The following TRIM52 variants were observed in gnomAD, a reference collection of about 807,000 sequenced individuals.
TRIM52 encodes tripartite motif containing 52, also known as E3 ubiquitin-protein ligase TRIM52.
In TRIM52, 24 loss-of-function variants were observed where a neutral mutation model predicts 27.0. The ratio of observed to expected loss-of-function variants is 0.89; its 90% CI spans 0.64 to 1.25. The LOEUF (loss-of-function observed/expected upper bound fraction) is 1.25, where lower values mean the gene tolerates loss of function less well. TRIM52 is among the 50% of genes most tolerant of loss of function. The pLI, the probability that TRIM52 is intolerant of heterozygous loss-of-function variation, is 0.00. For synonymous variants in TRIM52, 125 were observed against 126.5 expected (o/e 0.99, Z 0.08); for missense variants, 351 against 354.7 (o/e 0.99, Z 0.08).
intron 1 of TRIM52, 102 bp from the exon 2 acceptor site, chr5:181,256,961 C>T (rs1759806525): frequency 1.0e-6 from 1 of 986,164 alleles, no homozygotes; most frequent in African/African-American, 1.7e-5. Flanking sequence ...ACAAGGAGTA[C>T]TGATGATGGA....
Position 181,260,465 on chromosome 5 carries a change from C to T in TRIM52, c.349G>A (p.Val117Ile). The T allele has an allele frequency of 6.2e-7, 1 of 1,613,928 alleles. No homozygotes were observed. The highest frequency in any genetic ancestry group is 8.5e-7 in the Non-Finnish European group (1 of 1,179,996). Residue 117 changes from valine to isoleucine, a missense_variant, in exon 1 of 2, where the codon GTA (valine) becomes ATA (isoleucine). By Grantham distance (29) the Val-to-Ile change is conservative. Coordinates refer to ENST00000688015, the MANE Select transcript of TRIM52 (RefSeq NM_001346048.2). The surrounding 1 kb of genome is among the most constrained non-coding windows in gnomAD (Gnocchi z 4.4). ...GDSGITNWDN[V>I]DYMWDEEEEE... ...TCCTCCTCGTCCCACATATAGTCTA[C>T]GTTGTCCCAATTAGTTATACCACTG...
intron 1 of TRIM52, chr5:181,259,768 A>G (rs1300210293): frequency 3.6e-6 from 3 of 825,144 alleles, no homozygotes; most frequent in East Asian, 5.6e-5. Flanking sequence ...AGTGACCGTC[A>G]TATTATCTGT....
In TRIM52 at chr5:181,256,833, C is replaced by A. The variant is rs1227696536; in HGVS notation, c.840G>T (p.Glu280Asp). Residue 280 changes from glutamate to aspartate, a missense_variant, in exon 2 of 2, where the codon GAG becomes GAT. Transcript: ENST00000688015. ...GTCACTGCCCAACACTTTCAGATAA[C>A]TCAACTGAAGAAGTTGACCCTATCT... ...YQKIGSTSSV[E>D]LSESVGQ is the part of the protein sequence containing the mutation. 2.0e-6 allele frequency: 2 copies of A among 985,298 alleles called. No homozygotes were observed. The highest frequency in any genetic ancestry group is 3.5e-5 in the African/African-American group (2 of 57,224). The allele number at this position is 985,298 out of a possible 1,614,324, so 61.0% of individuals were successfully genotyped here. A position where few individuals can be genotyped will look rare whatever the true frequency, so the allele number is the denominator to read the frequency against.
intron 1 of TRIM52, chr5:181,258,915 G>A (rs994264245): frequency 3.9e-5 from 6 of 152,190 alleles, no homozygotes; most frequent in Admixed American, 6.5e-5. Flanking sequence ...AGGAGAACAC[G>A]AGGAAATATA....
Position 181,261,109 on chromosome 5 carries a change from C to T in TRIM52, c.-296G>A. On this transcript the variant is annotated 5_prime_UTR_variant, in exon 1 of 2. Transcript: ENST00000688015. ...GTGCCCTACACTGCGGCGTCCGCCT[C>T]AGATGCAGCCGCTGGCTACCCTGCC... 1 of 338,898 alleles carries T rather than the reference C, an allele frequency of 3.0e-6. No homozygotes were observed. 21.0% of individuals were successfully genotyped at this position (338,898 alleles called of 1,614,324 possible).
Position 181,260,594 on chromosome 5 carries a change from C to T in TRIM52, c.220G>A (p.Ala74Thr). The T allele has an allele frequency of 6.2e-7, 1 of 1,614,022 alleles. No homozygotes were observed. The highest frequency in any genetic ancestry group is 8.5e-7 in the Non-Finnish European group (1 of 1,180,006). Reference protein sequence around the residue: ...EEEEDEEAVGAMDGWDGSIRE... With the variant: ...EEEEDEEAVGTMDGWDGSIRE... ...ATGGAGCCGTCCCATCCATCCATGG[C>T]CCCCACCGCTTCCTCGTCCTCCTCC... Residue 74 changes from alanine (A) to threonine (T), a missense_variant, in exon 1 of 2, where the codon GCC (alanine) becomes ACC (threonine). Coordinates refer to ENST00000688015, the MANE Select transcript of TRIM52 (RefSeq NM_001346048.2). The surrounding 1 kb of genome is among the most constrained non-coding windows in gnomAD (Gnocchi z 4.4).
Position 181,260,538 on chromosome 5 carries a change from G to T in TRIM52, c.276C>A (p.Asp92Glu). The change falls in exon 1 of 2, where the codon GAC (aspartate) becomes GAA (glutamate). Residue 92 changes from aspartate (D) to glutamate (E), a missense_variant. By Grantham distance (45) the Asp-to-Glu change is conservative. Transcript: ENST00000688015. The surrounding 1 kb of genome is among the most constrained non-coding windows in gnomAD (Gnocchi z 4.4). Reference protein sequence around the residue: ...IREVLYRGNADEELFQDQDDD... With the variant: ...IREVLYRGNAEEELFQDQDDD... ...CATCTTGGTCTTGGAACAACTCTTCGTCAGCATTCCCCCGATACAACACCT... is the reference window on the plus strand; with the variant it reads ...CATCTTGGTCTTGGAACAACTCTTCTTCAGCATTCCCCCGATACAACACCT... 1.2e-6 allele frequency: 2 copies of T among 1,613,642 alleles called. No homozygotes were observed. Among genetic ancestry groups the T allele is most frequent in the Middle Eastern group, 1.6e-4 (1 of 6,062 alleles).
chr5:181,249,827 GTTT>G (rs1237894738), downstream of TRIM52, among the ~76,000 whole-genome samples: 6 of 128,468 alleles, frequency 4.7e-5, no homozygotes, highest in Admixed American at 7.9e-5. Flanking sequence ...ATCACTTGCA[GTTT>G]TTTTTTTTTT....
intron 1 of TRIM52, chr5:181,257,317 C>A: frequency 7.1e-7 from 1 of 1,401,266 alleles, no homozygotes; most frequent in Non-Finnish European, 9.4e-7. Flanking sequence ...GACCTCAAAA[C>A]AATAAAACTG....
In TRIM52 at chr5:181,260,957, G is replaced by A. The variant is rs1760042590; in HGVS notation, c.-144C>T. On this transcript the variant is annotated 5_prime_UTR_variant, in exon 1 of 2. Coordinates refer to ENST00000688015, the MANE Select transcript of TRIM52 (RefSeq NM_001346048.2). The surrounding 1 kb of genome is among the most constrained non-coding windows in gnomAD (Gnocchi z 4.4). ...TTCCTCGGGGCCGCAGGGGAGCTTTGACCCCCTCTCTCAGGGTGCGAACGC... is the reference window on the plus strand; with the variant it reads ...TTCCTCGGGGCCGCAGGGGAGCTTTAACCCCCTCTCTCAGGGTGCGAACGC... 1 of 1,281,130 alleles carries A rather than the reference G, an allele frequency of 7.8e-7. No homozygotes were observed. The highest frequency in any genetic ancestry group is 1.6e-5 in the South Asian group (1 of 62,174). The allele number at this position is 1,281,130 out of a possible 1,614,324, so 79.4% of individuals were successfully genotyped here.
downstream of TRIM52, among the ~76,000 whole-genome samples, chr5:181,249,294 G>A (rs942566961): frequency 3.9e-5 from 6 of 152,042 alleles, no homozygotes; most frequent in African/African-American, 1.4e-4. Context: ...GGCACTAAAG[G>A]AGGGACTGAG....
Position 181,260,610 on chromosome 5 carries a change from G to GTCCTCCTCC in TRIM52, c.195_203dup (p.Glu65_Glu67dup). ...CATCCATGGCCCCCACCGCTTCCTC[G>GTCCTCCTCC]TCCTCCTCCTCCTCCCATTCATCTT... On this transcript the variant is annotated inframe_insertion, in exon 1 of 2. Transcript: ENST00000688015. The surrounding 1 kb of genome is among the most constrained non-coding windows in gnomAD (Gnocchi z 4.4). 1 of 1,613,110 alleles carries GTCCTCCTCC rather than the reference G, an allele frequency of 6.2e-7. No individual in the cohort carries two copies. The highest frequency in any genetic ancestry group is 8.5e-7 in the Non-Finnish European group (1 of 1,179,784).
intron 1 of TRIM52, 177 bp from the exon 2 acceptor site, chr5:181,257,036 T>G: frequency 2.0e-6 from 2 of 992,940 alleles, no homozygotes; most frequent in South Asian, 4.6e-5. Flanking sequence ...GGCAGGACAA[T>G]CCAGGCATCC....
downstream of TRIM52, among the ~76,000 whole-genome samples, chr5:181,253,563 C>CAG (rs1759685793): frequency 2.8e-5 from 4 of 143,108 alleles, no homozygotes; most frequent in Admixed American, 2.0e-4. Flanking sequence ...TTGTGGTTGT[C>CAG]ACAACTAGTG....
At chr5:181,254,888 G>A (rs1759717839), downstream of TRIM52, 1 of 152,218 alleles carries the variant, frequency 6.6e-6, no homozygotes, top group Non-Finnish European at 1.5e-5. Context: ...GATTTCAGAT[G>A]TGTAGCCAAT....
Position 181,256,319 on chromosome 5 carries a change from G to A in TRIM52, c.*490C>T, listed in dbSNP as rs529414288. On this transcript the variant is annotated 3_prime_UTR_variant, in exon 2 of 2. Coordinates refer to ENST00000688015, the MANE Select transcript of TRIM52 (RefSeq NM_001346048.2). ...TTATTCTGAATGTAAGCAAAGTACA[G>A]TTTTCTTCATCAGTAGATTCATCTC... 1 of 151,806 alleles carries A rather than the reference G, an allele frequency of 6.6e-6. No individual in the cohort carries two copies. Among genetic ancestry groups the A allele is most frequent in the South Asian group, 2.1e-4 (1 of 4,796 alleles). The allele number at this position is 151,806 out of a possible 1,614,324, so 9.4% of individuals were successfully genotyped here.
downstream of TRIM52, among the ~76,000 whole-genome samples, chr5:181,249,467 GAACTC>G (rs1759589476): frequency 6.6e-6 from 1 of 152,122 alleles, no homozygotes; most frequent in Non-Finnish European, 1.5e-5. Context: ...AGGATCACTT[GAACTC>G]AGGTGTTCAA....
chr5:181,258,718 A>G (rs921018831), intron 1 of TRIM52: 1 of 150,858 alleles, frequency 6.6e-6, no homozygotes, highest in African/African-American at 2.5e-5. Flanking sequence ...AAAGCAATAT[A>G]TTTTTAGATG....
Position 181,260,495 on chromosome 5 carries a change from C to G in TRIM52, c.319G>C (p.Gly107Arg). 1 of 1,613,964 alleles carries G rather than the reference C, an allele frequency of 6.2e-7. No individual in the cohort carries two copies. Among genetic ancestry groups the G allele is most frequent in the Non-Finnish European group, 8.5e-7 (1 of 1,180,010 alleles). ...QDQDDDELWL[G>R]DSGITNWDNV... ...TCCCAATTAGTTATACCACTGTCAC[C>G]GAGCCAGAGTTCATCGTCATCTTGG... The change falls in exon 1 of 2, where the codon GGT becomes CGT. Residue 107 changes from glycine to arginine, a missense_variant. Coordinates refer to ENST00000688015, the MANE Select transcript of TRIM52 (RefSeq NM_001346048.2). The surrounding 1 kb of genome is among the most constrained non-coding windows in gnomAD (Gnocchi z 4.4).
Sources: gnomAD v4.1 joint callset for allele counts (sites outside exome capture counted in the v4.1 genomes callset) on GRCh38, gnomAD v4.1.1 for gene constraint, Gnocchi (gnomAD v3.1) non-coding constraint, MANE v1.5 for transcripts, NCBI Gene and HGNC (gene_info 2026-07-23, HGNC 2026-07-21) for gene names.